CDH12: variants seen among roughly 807,000 people sequenced by gnomAD.
CDH12 encodes cadherin 12, also known as cadherin-12.
In CDH12, 41 loss-of-function variants were observed where a neutral mutation model predicts 74.1. The ratio of observed to expected loss-of-function variants is 0.55; its 90% CI spans 0.43 to 0.72. The LOEUF (loss-of-function observed/expected upper bound fraction) is 0.72, where lower values mean the gene tolerates loss of function less well. CDH12 is among the 30% of genes least tolerant of loss of function. The pLI, the probability that CDH12 is intolerant of heterozygous loss-of-function variation, is 0.00. For synonymous variants in CDH12, 399 were observed against 355.0 expected (o/e 1.12, Z -1.39); for missense variants, 945 against 977.2 (o/e 0.97, Z 0.44).
chr5:21,795,219 TAA>T (rs1746714567), intron 10 of CDH12, among the ~76,000 whole-genome samples: 1 of 151,430 alleles, frequency 6.6e-6, no homozygotes, highest in South Asian at 2.1e-4. Context: ...TGATTTTTTT[TAA>T]GATAGCATTT....
At chr5:22,435,332 T>C (rs1292744137) in intron 2 of CDH12, among the ~76,000 whole-genome samples, 2 of 151,848 alleles carry the variant, frequency 1.3e-5, no homozygotes, top group African/African-American at 4.8e-5. Context: ...TTCTTCATCT[T>C]GCAGATGGCT....
intron 6 of CDH12, among the ~76,000 whole-genome samples, chr5:21,900,806 C>A (rs564422100): frequency 6.6e-6 from 1 of 152,142 alleles, no homozygotes; most frequent in Non-Finnish European, 1.5e-5. Context: ...ACTTTGATAG[C>A]GAATGCTCAG....
intron 1 of CDH12, among the ~76,000 whole-genome samples, chr5:22,836,239 T>TTTTTTTTTTTTG (rs1736821353): frequency 1.4e-5 from 2 of 138,960 alleles, no homozygotes; most frequent in South Asian, 4.9e-4. Context: ...TTTTTTTTTT[T>TTTTTTTTTTTTG]TTGAGACAGA....
chr5:21,933,346 A>G (rs1168422723), intron 6 of CDH12, among the ~76,000 whole-genome samples: 2 of 152,200 alleles, frequency 1.3e-5, no homozygotes, highest in Non-Finnish European at 2.9e-5. Context: ...CTAAAGTGAA[A>G]ATGCCATTGG....
intron 9 of CDH12, among the ~76,000 whole-genome samples, chr5:21,804,994 T>C (rs1747352065): frequency 6.6e-6 from 1 of 152,138 alleles, no homozygotes; most frequent in South Asian, 2.1e-4. Flanking sequence ...GCTCTATAAA[T>C]GTTAAACAAT....
chr5:22,436,949 G>A (rs1744423188), intron 2 of CDH12, among the ~76,000 whole-genome samples: 1 of 151,984 alleles, frequency 6.6e-6, no homozygotes, highest in South Asian at 2.1e-4. Context: ...GTATAAATAT[G>A]TGGTAAATTT....
chr5:22,032,818 A>G (rs1738911935), intron 5 of CDH12, among the ~76,000 whole-genome samples: 1 of 147,480 alleles, frequency 6.8e-6, no homozygotes, highest in African/African-American at 2.5e-5. Context: ...GTATATATAC[A>G]CACACACACA....
chr5:22,346,395 A>G (rs1325757149), intron 3 of CDH12, among the ~76,000 whole-genome samples: 1 of 152,160 alleles, frequency 6.6e-6, no homozygotes, highest in African/African-American at 2.4e-5. Flanking sequence ...CCAGATTACT[A>G]TCAATTCTAC....
intron 4 of CDH12, among the ~76,000 whole-genome samples, chr5:22,156,251 T>C (rs1184918514): frequency 2.6e-5 from 4 of 152,054 alleles, no homozygotes; most frequent in Admixed American, 6.6e-5. Context: ...CACCTAAGCT[T>C]TCTCAGAGAT....
chr5:21,995,662 G>A (rs1263731029), intron 5 of CDH12, among the ~76,000 whole-genome samples: 3 of 151,570 alleles, frequency 2.0e-5, no homozygotes, highest in African/African-American at 4.8e-5. Flanking sequence ...AAGTATCACC[G>A]TAATTCACAG....
chr5:22,197,592 CTGTT>C (rs998090731), intron 4 of CDH12, among the ~76,000 whole-genome samples: 2 of 152,160 alleles, frequency 1.3e-5, no homozygotes, highest in South Asian at 2.1e-4. Flanking sequence ...GTCAGCTCTT[CTGTT>C]TTATTCTAAA....
chr5:22,628,668 A>G (rs1237230643), intron 1 of CDH12, among the ~76,000 whole-genome samples: 2 of 152,112 alleles, frequency 1.3e-5, no homozygotes, highest in African/African-American at 2.4e-5. Flanking sequence ...AATGAACAAC[A>G]TAACATTACA....
At position 22,504,017 on chromosome 5, in the gene CDH12, A is replaced by G. The variant is rs560490944; in HGVS notation, c.-428+1253T>C. 3.9e-5 allele frequency among the ~76,000 whole-genome samples: 6 copies of G among 152,166 alleles called. No individual in the cohort carries two copies. In the South Asian group the frequency reaches 1.2e-3, roughly 32 times the overall value. ...TTCTATAAATAAAAGATCTGGACTG[A>G]AACCCCAAACCAAAATTATCCAAGA... On this transcript the variant is annotated intron_variant, in intron 2 of 14. Coordinates refer to ENST00000382254, the MANE Select transcript of CDH12 (RefSeq NM_004061.5).
chr5:22,374,478 G>T (rs1237737964), intron 3 of CDH12, among the ~76,000 whole-genome samples: 4 of 152,018 alleles, frequency 2.6e-5, no homozygotes, highest in Admixed American at 2.6e-4. Context: ...GCAATAGAAA[G>T]ATATAAAAGT....
intron 4 of CDH12, among the ~76,000 whole-genome samples, chr5:22,168,715 A>G (rs1278501049): frequency 6.6e-6 from 1 of 151,402 alleles, no homozygotes; most frequent in African/African-American, 2.4e-5. Context: ...TGTGTTGAAC[A>G]TGATTCAAAT....
intron 11 of CDH12, among the ~76,000 whole-genome samples, chr5:21,765,701 C>G (rs562203259): frequency 1.3e-5 from 2 of 152,108 alleles, no homozygotes; most frequent in African/African-American, 4.8e-5. Flanking sequence ...TATGCAATAA[C>G]TTACTTCTTC....
At chr5:21,794,729 A>C (rs1746687406) in intron 10 of CDH12, among the ~76,000 whole-genome samples, 1 of 151,750 alleles carries the variant, frequency 6.6e-6, no homozygotes, top group East Asian at 1.9e-4. Flanking sequence ...TTTGAGTCCT[A>C]GCTATTGTTA....
chr5:22,266,231 A>G (rs540220213), intron 3 of CDH12, among the ~76,000 whole-genome samples: 4 of 151,980 alleles, frequency 2.6e-5, no homozygotes, highest in East Asian at 1.9e-4. Flanking sequence ...ACTCACCACC[A>G]CGACCGGCTA....
chr5:22,705,499 G>GCACACACACACACACACACA (rs5866587), intron 1 of CDH12, among the ~76,000 whole-genome samples: 7 of 143,602 alleles, frequency 4.9e-5, no homozygotes, highest in African/African-American at 1.3e-4. Context: ...CAACACACAT[G>GCACACACACACACACACACA]CACACACACA....
Sources: gnomAD v4.1 joint callset for allele counts (sites outside exome capture counted in the v4.1 genomes callset) on GRCh38, gnomAD v4.1.1 for gene constraint, MANE v1.5 for transcripts, NCBI Gene and HGNC (gene_info 2026-07-23, HGNC 2026-07-21) for gene names.